ST8SIA2: variants seen among roughly 807,000 people sequenced by gnomAD.
ST8SIA2 encodes the protein alpha-2,8-sialyltransferase 8B.
In ST8SIA2, 22 loss-of-function variants were observed where a neutral mutation model predicts 37.6. That is an observed-to-expected ratio of 0.58 (90% CI 0.42 to 0.83). The LOEUF (loss-of-function observed/expected upper bound fraction) is 0.83, where lower values mean the gene tolerates loss of function less well. Ranked by LOEUF, ST8SIA2 falls within the 40% of genes least tolerant of loss-of-function variation. The pLI, the probability that ST8SIA2 is intolerant of heterozygous loss-of-function variation, is 0.00. For missense variants in ST8SIA2, 382 were observed against 484.7 expected, an observed-to-expected ratio of 0.79 and a Z score of 1.99; for synonymous variants, 205 against 201.2, an observed-to-expected ratio of 1.02 and a Z score of -0.16.
At chr15:92,458,817 T>C (rs998809374) in intron 5 of ST8SIA2, among the ~76,000 whole-genome samples, 1 of 152,140 alleles carries the variant, frequency 6.6e-6, no homozygotes, top group African/African-American at 2.4e-5. Flanking sequence ...TGAAACAGCA[T>C]AGTAATGAAT....
chr15:92,409,960 G>C (rs993707214), intron 1 of ST8SIA2, among the ~76,000 whole-genome samples: 4 of 152,236 alleles, frequency 2.6e-5, no homozygotes, highest in Admixed American at 6.5e-5. Context: ...GTGATCTGGT[G>C]GGGGAGCGAG....
At chr15:92,439,146 G>A (rs2049782392) in intron 4 of ST8SIA2, among the ~76,000 whole-genome samples, 1 of 152,210 alleles carries the variant, frequency 6.6e-6, no homozygotes, top group Admixed American at 6.5e-5. Context: ...CTGAGGTAGA[G>A]CCTGGTACAA....
chr15:92,435,943 C>T (rs76415114), intron 3 of ST8SIA2, among the ~76,000 whole-genome samples: 3,647 of 152,254 alleles, frequency 0.024, 97 homozygotes, highest in African/African-American at 0.064. Context: ...ATTCTGAGCA[C>T]CCCCTTGCAG....
chr15:92,426,846 T>C (rs1313579259), intron 1 of ST8SIA2, among the ~76,000 whole-genome samples: 7 of 152,112 alleles, frequency 4.6e-5, no homozygotes, highest in Non-Finnish European at 1.0e-4. Flanking sequence ...CCCAGCACTT[T>C]GGGAAGCCAA....
chr15:92,434,883 C>A (rs77022766), intron 3 of ST8SIA2, among the ~76,000 whole-genome samples: 2,680 of 150,506 alleles, frequency 0.018, 91 homozygotes, highest in African/African-American at 0.061. Context: ...AACCCAGGAA[C>A]TGACATGACA....
In ST8SIA2 at chr15:92,408,557, A is replaced by G. The variant is rs150496637; in HGVS notation, c.98+14395A>G. 5.0e-4 allele frequency among the ~76,000 whole-genome samples: 76 copies of G among 152,194 alleles called. No homozygotes were observed. In the East Asian group the frequency reaches 0.014, roughly 27 times the overall value. ...AGGGAGGCTGAGATAGGCCCCAGTT[A>G]CTGATATTCTAGGATCACTTACATA... On this transcript the variant is annotated intron_variant, in intron 1 of 5. Transcript: ENST00000268164.
rs553838103 is a variant in ST8SIA2, at chr15:92,404,728, C to T, written c.98+10566C>T. Among the ~76,000 whole-genome samples, 216 of 150,096 alleles carry T rather than the reference C, an allele frequency of 1.4e-3. 3 individuals carry two copies. Among genetic ancestry groups the T allele is most frequent in the African/African-American group, 5.0e-3 (204 of 40,856 alleles). On this transcript the variant is annotated intron_variant, in intron 1 of 5. Transcript: ENST00000268164. ...CTGCATGCCTGTAGTCCCAGCTACT[C>T]GGAGGCTGAGACAGGAGAATAGGTT... is the stretch of plus-strand genomic sequence containing the variant.
At chr15:92,411,912 C>T in intron 1 of ST8SIA2, among the ~76,000 whole-genome samples, 1 of 152,094 alleles carries the variant, frequency 6.6e-6, no homozygotes, top group East Asian at 1.9e-4. Flanking sequence ...GAATTGGAAA[C>T]AGAAACCAAG....
Position 92,456,321 on chromosome 15 carries a change from T to G in ST8SIA2, c.843-7779T>G, listed in dbSNP as rs527892034. Among the ~76,000 whole-genome samples, 7 of 149,380 alleles carry G rather than the reference T, an allele frequency of 4.7e-5. No homozygotes were observed. The South Asian group carries it at 1.1e-3, about 23-fold the overall frequency. On this transcript the variant is annotated intron_variant, in intron 5 of 5. Coordinates refer to ENST00000268164, the MANE Select transcript of ST8SIA2 (RefSeq NM_006011.4). The stretch of plus-strand genomic sequence containing the variant: ...TGCAGTGAAGCTGGGGTCATTTATC[T>G]CTCCTGATAATGTCCCCAGAATGAA...
In ST8SIA2 at chr15:92,416,781, CTT is replaced by C. The variant is rs1319279942; in HGVS notation, c.99-13267_99-13266del. 2.6e-5 allele frequency among the ~76,000 whole-genome samples: 4 copies of C among 152,224 alleles called. No homozygotes were observed. The East Asian group carries it at 7.7e-4, about 29-fold the overall frequency. On this transcript the variant is annotated intron_variant, in intron 1 of 5. Coordinates refer to ENST00000268164, the MANE Select transcript of ST8SIA2 (RefSeq NM_006011.4). ...GGCCATGTGATCTTCGGATGTGCCT[CTT>C]GTGCTGAAGAAAAAAAAATGCACAT...
intron 2 of ST8SIA2, among the ~76,000 whole-genome samples, chr15:92,432,305 T>G (rs2049721892): frequency 6.6e-6 from 1 of 152,188 alleles, no homozygotes; most frequent in Non-Finnish European, 1.5e-5. Context: ...GTCGCTGAGG[T>G]CAGTGCCCCT....
intron 2 of ST8SIA2, among the ~76,000 whole-genome samples, chr15:92,432,436 T>C (rs761502318): frequency 2.0e-4 from 31 of 152,308 alleles, no homozygotes; most frequent in Non-Finnish European, 3.5e-4. Flanking sequence ...CCTTTGAAAA[T>C]TCCAGAACCT....
intron 5 of ST8SIA2, among the ~76,000 whole-genome samples, chr15:92,454,275 T>C (rs2049903274): frequency 6.6e-6 from 1 of 152,120 alleles, no homozygotes. Flanking sequence ...CGCCATCTTC[T>C]TGTTCCCATG....
chr15:92,439,608 TA>T (rs1041286759), intron 4 of ST8SIA2, among the ~76,000 whole-genome samples: 3 of 152,190 alleles, frequency 2.0e-5, no homozygotes, highest in Non-Finnish European at 4.4e-5. Context: ...TAGAGTTCCC[TA>T]AACCTTGGGA....
intron 5 of ST8SIA2, among the ~76,000 whole-genome samples, chr15:92,460,273 G>A (rs1238889277): frequency 2.6e-5 from 4 of 152,342 alleles, no homozygotes; most frequent in African/African-American, 9.6e-5. Context: ...TACTGGAGGA[G>A]GCTGTGAGAA....
intron 5 of ST8SIA2, among the ~76,000 whole-genome samples, chr15:92,452,121 G>A (rs150992902): frequency 1.3e-5 from 2 of 152,326 alleles, no homozygotes; most frequent in African/African-American, 4.8e-5. Context: ...TACTTGGATA[G>A]GGGAACGGGG....
intron 1 of ST8SIA2, among the ~76,000 whole-genome samples, chr15:92,411,335 G>C (rs896060132): frequency 3.9e-5 from 6 of 152,132 alleles, no homozygotes; most frequent in Non-Finnish European, 8.8e-5. Context: ...GTGCCGGGAA[G>C]ACCACCCATG....
intron 1 of ST8SIA2, among the ~76,000 whole-genome samples, chr15:92,394,621 G>A (rs1284157423): frequency 2.6e-5 from 4 of 152,290 alleles, no homozygotes; most frequent in Non-Finnish European, 5.9e-5. Context: ...CTGGGGGAGG[G>A]GTTCCTGGGG....
intron 4 of ST8SIA2, among the ~76,000 whole-genome samples, chr15:92,443,654 C>T (rs1237824052): frequency 6.6e-6 from 1 of 152,114 alleles, no homozygotes; most frequent in Non-Finnish European, 1.5e-5. Flanking sequence ...TGCTTGCCTC[C>T]CCAAGCCCAT....
Sources: allele counts gnomAD v4.1 joint callset (sites outside exome capture counted in the v4.1 genomes callset), GRCh38; gene constraint gnomAD v4.1.1; transcripts MANE v1.5; gene names NCBI Gene and HGNC (gene_info 2026-07-23, HGNC 2026-07-21).